Variants in GABRA2 observed in about 807,000 individuals in gnomAD.
The protein encoded by GABRA2 is gamma-aminobutyric acid type A receptor subunit alpha2, also known as gamma-aminobutyric acid receptor subunit alpha-2.
In GABRA2, 16 loss-of-function variants were observed where a neutral mutation model predicts 48.7. The ratio of observed to expected loss-of-function variants is 0.33; its 90% CI spans 0.22 to 0.50. GABRA2 has a LOEUF of 0.50. Ranked by LOEUF, GABRA2 falls within the 20% of genes least tolerant of loss-of-function variation. The pLI is 0.98. For missense variants in GABRA2, 275 were observed against 535.6 expected, an observed-to-expected ratio of 0.51 and a Z score of 4.80; for synonymous variants, 185 against 184.5, an observed-to-expected ratio of 1.00 and a Z score of -0.02.
intron 8 of GABRA2, among the ~76,000 whole-genome samples, chr4:46,286,343 C>T (rs536350325): frequency 1.3e-5 from 2 of 152,096 alleles, no homozygotes; most frequent in African/African-American, 4.8e-5. Flanking sequence ...TTTGTACATT[C>T]GTTTGTTAAT....
At chr4:46,253,134 A>G (rs939423399) in intron 9 of GABRA2, among the ~76,000 whole-genome samples, 2 of 150,858 alleles carry the variant, frequency 1.3e-5, no homozygotes, top group African/African-American at 4.9e-5. Flanking sequence ...AAGGTGTAGG[A>G]TTTAGGCATG....
At chr4:46,273,506 T>TATATATATATATATGC (rs1719858542) in intron 8 of GABRA2, among the ~76,000 whole-genome samples, 11 of 28,276 alleles carry the variant, frequency 3.9e-4, no homozygotes, top group African/African-American at 1.5e-3. Context: ...TATATGCATA[T>TATATATATATATATGC]ATATATATAT....
At chr4:46,300,072 A>G (rs999863068) in intron 8 of GABRA2, among the ~76,000 whole-genome samples, 4 of 151,994 alleles carry the variant, frequency 2.6e-5, no homozygotes, top group Non-Finnish European at 5.9e-5. Flanking sequence ...AATAATGATA[A>G]CAATGACTCA....
At chr4:46,307,507 GA>G (rs758001643) in intron 6 of GABRA2, among the ~76,000 whole-genome samples, 4 of 149,608 alleles carry the variant, frequency 2.7e-5, no homozygotes, top group Non-Finnish European at 4.4e-5. Flanking sequence ...ACATAAATAA[GA>G]AAAAATGAAA....
chr4:46,257,694 T>C (rs1019846850), intron 9 of GABRA2, among the ~76,000 whole-genome samples: 8 of 151,736 alleles, frequency 5.3e-5, no homozygotes, highest in African/African-American at 1.9e-4. Flanking sequence ...AGTTAAATGA[T>C]CTGATTTATG....
At chr4:46,358,545 G>T (rs1382534651) in intron 3 of GABRA2, among the ~76,000 whole-genome samples, 2 of 152,210 alleles carry the variant, frequency 1.3e-5, no homozygotes, top group East Asian at 3.9e-4. Flanking sequence ...AAGTTAACAA[G>T]GATGTTGCCA....
chr4:46,295,185 C>T (rs758711657), intron 8 of GABRA2, among the ~76,000 whole-genome samples: 4 of 152,272 alleles, frequency 2.6e-5, no homozygotes, highest in South Asian at 2.1e-4. Context: ...CCCTGAAGGA[C>T]GGCAGAGAAG....
At chr4:46,359,243 C>T (rs1252817026) in intron 3 of GABRA2, among the ~76,000 whole-genome samples, 1 of 152,076 alleles carries the variant, frequency 6.6e-6, no homozygotes, top group Non-Finnish European at 1.5e-5. Flanking sequence ...ATTATGGGAC[C>T]TAACACTATC....
intron 8 of GABRA2, among the ~76,000 whole-genome samples, chr4:46,283,846 G>A (rs1218582811): frequency 3.9e-5 from 6 of 152,070 alleles, no homozygotes; most frequent in Admixed American, 2.0e-4. Context: ...TGCCAGCTCC[G>A]CCTCCTGGGT....
At chr4:46,267,014 G>A (rs1055138276) in intron 8 of GABRA2, among the ~76,000 whole-genome samples, 23 of 151,852 alleles carry the variant, frequency 1.5e-4, no homozygotes, top group Admixed American at 2.6e-4. Context: ...GTGAGCCACC[G>A]TGCATGGTCC....
intron 8 of GABRA2, among the ~76,000 whole-genome samples, chr4:46,265,370 TG>T (rs1488942966): frequency 7.8e-6 from 1 of 127,914 alleles, no homozygotes; most frequent in Non-Finnish European, 1.5e-5. Context: ...TGTGTGTGTG[TG>T]TGTGTGTGTA....
intron 4 of GABRA2, among the ~76,000 whole-genome samples, chr4:46,325,310 T>C (rs1261636281): frequency 6.6e-6 from 1 of 151,962 alleles, no homozygotes; most frequent in Non-Finnish European, 1.5e-5. Flanking sequence ...CTTGTTGTGG[T>C]TTTGATTTGC....
At chr4:46,326,676 T>C (rs1396163801) in intron 4 of GABRA2, among the ~76,000 whole-genome samples, 3 of 151,912 alleles carry the variant, frequency 2.0e-5, no homozygotes, top group Admixed American at 2.0e-4. Flanking sequence ...GCTACTTTGT[T>C]CTAATCTCTT....
At chr4:46,305,476 CAA>C in intron 7 of GABRA2, 90 bp downstream of exon 7, 1 of 1,206,704 alleles carries the variant, frequency 8.3e-7, no homozygotes, top group Non-Finnish European at 1.2e-6. Context: ...ACCTCAAGAG[CAA>C]AAGATTTTAA....
At chr4:46,341,361 T>TAAGAC (rs1168565086) in intron 3 of GABRA2, among the ~76,000 whole-genome samples, 1 of 151,998 alleles carries the variant, frequency 6.6e-6, no homozygotes, top group Non-Finnish European at 1.5e-5. Flanking sequence ...AAGATAAAGA[T>TAAGAC]AAGACATCCT....
chr4:46,332,526 T>C (rs1398476023), intron 4 of GABRA2, 89 bp downstream of exon 4: 1 of 772,112 alleles, frequency 1.3e-6, no homozygotes, highest in African/African-American at 1.7e-5. Context: ...ATATACATAA[T>C]TCTATAACAC....
chr4:46,257,377 G>C (rs1716050830), intron 9 of GABRA2, among the ~76,000 whole-genome samples: 1 of 151,584 alleles, frequency 6.6e-6, no homozygotes, highest in African/African-American at 2.4e-5. Context: ...AAGAGGCATG[G>C]ATGTTTGGGA....
intron 3 of GABRA2, among the ~76,000 whole-genome samples, chr4:46,373,081 T>C (rs764829805): frequency 1.2e-4 from 18 of 152,188 alleles, no homozygotes; most frequent in Non-Finnish European, 2.5e-4. Context: ...GAGGCTGAGA[T>C]GACTGTATTA....
intron 3 of GABRA2, chr4:46,364,432 C>T (rs1713719052): frequency 6.6e-6 from 1 of 152,196 alleles, no homozygotes; most frequent in Non-Finnish European, 1.5e-5. Flanking sequence ...TTTATTAGCA[C>T]ATAGTTCTGT....
Sources: allele counts gnomAD v4.1 joint callset (sites outside exome capture counted in the v4.1 genomes callset), GRCh38; gene constraint gnomAD v4.1.1; transcripts MANE v1.5; gene names NCBI Gene and HGNC (gene_info 2026-07-23, HGNC 2026-07-21).